Variants in SLC24A3 observed in about 807,000 individuals in gnomAD.
SLC24A3 encodes the protein solute carrier family 24 member 3.
In SLC24A3, 28 loss-of-function variants were observed where a neutral mutation model predicts 75.8. That is an observed-to-expected ratio of 0.37 (90% CI 0.27 to 0.51). SLC24A3 has a LOEUF of 0.51. Ranked by LOEUF, SLC24A3 falls within the 20% of genes least tolerant of loss-of-function variation. The probability of loss-of-function intolerance (pLI) is 0.94; values close to 1 mark genes in which losing one functional copy is unlikely to be tolerated. For synonymous variants in SLC24A3, 372 were observed against 334.1 expected, an observed-to-expected ratio of 1.11 and a Z score of -1.24; for missense variants, 663 against 847.8, an observed-to-expected ratio of 0.78 and a Z score of 2.71.
intron 3 of SLC24A3, among the ~76,000 whole-genome samples, chr20:19,562,230 G>GC (rs1250065658): frequency 6.6e-6 from 1 of 152,174 alleles, no homozygotes; most frequent in African/African-American, 2.4e-5. Context: ...TCTGCAAACT[G>GC]CAAGTGTAGG....
chr20:19,457,939 G>A (rs1367318428), intron 2 of SLC24A3, among the ~76,000 whole-genome samples: 2 of 152,148 alleles, frequency 1.3e-5, no homozygotes, highest in Non-Finnish European at 2.9e-5. Flanking sequence ...GGCCCCAGGT[G>A]AATCACAGAG....
intron 3 of SLC24A3, among the ~76,000 whole-genome samples, chr20:19,532,660 C>G (rs2030323969): frequency 6.6e-6 from 1 of 152,222 alleles, no homozygotes; most frequent in Non-Finnish European, 1.5e-5. Flanking sequence ...GTGACACGTT[C>G]AGAGCTGAAA....
intron 2 of SLC24A3, among the ~76,000 whole-genome samples, chr20:19,314,053 G>T (rs1287853026): frequency 6.6e-6 from 1 of 151,844 alleles, no homozygotes; most frequent in Non-Finnish European, 1.5e-5. Flanking sequence ...GGTCACTGTG[G>T]TCATTTATCC....
intron 6 of SLC24A3, among the ~76,000 whole-genome samples, chr20:19,590,154 CA>C (rs1274319438): frequency 5.4e-5 from 8 of 147,080 alleles, no homozygotes; most frequent in African/African-American, 2.0e-4. Flanking sequence ...AAAGTAATGG[CA>C]AAAACCGCAA....
At chr20:19,380,221 A>G (rs1477746751) in intron 2 of SLC24A3, among the ~76,000 whole-genome samples, 2 of 152,222 alleles carry the variant, frequency 1.3e-5, no homozygotes, top group African/African-American at 4.8e-5. Flanking sequence ...CAGGAAGCGT[A>G]TTGACCAGGT....
At chr20:19,390,486 G>A (rs1390341036) in intron 2 of SLC24A3, among the ~76,000 whole-genome samples, 2 of 152,134 alleles carry the variant, frequency 1.3e-5, no homozygotes, top group African/African-American at 2.4e-5. Context: ...TTGGAGGCTA[G>A]GTCCATGTGT....
intron 2 of SLC24A3, among the ~76,000 whole-genome samples, chr20:19,340,007 G>A (rs949626312): frequency 2.6e-5 from 4 of 152,150 alleles, no homozygotes; most frequent in Non-Finnish European, 4.4e-5. Context: ...GGGACTTGGG[G>A]CATGTGGGGG....
At chr20:19,422,672 G>A (rs996542663) in intron 2 of SLC24A3, among the ~76,000 whole-genome samples, 2 of 152,210 alleles carry the variant, frequency 1.3e-5, no homozygotes, top group African/African-American at 4.8e-5. Context: ...AGTCCTGGCA[G>A]GGGGAGCTTT....
intron 1 of SLC24A3, among the ~76,000 whole-genome samples, chr20:19,239,867 G>A (rs1205201650): frequency 6.6e-6 from 1 of 152,136 alleles, no homozygotes; most frequent in Non-Finnish European, 1.5e-5. Context: ...ACTAGTCCAG[G>A]GCTGGGAAGC....
At chr20:19,553,088 TCCC>T (rs2030725987) in intron 3 of SLC24A3, among the ~76,000 whole-genome samples, 2 of 48,422 alleles carry the variant, frequency 4.1e-5, no homozygotes, top group African/African-American at 1.5e-4. Context: ...CCTCCCTCCC[TCCC>T]TCCTTCCTTC....
rs571108408 is a variant in SLC24A3 at position 19,639,935 on chromosome 20, G to A, written c.613-14127G>A. Among the ~76,000 whole-genome samples, 9 of 152,380 alleles carry A rather than the reference G, an allele frequency of 5.9e-5. No homozygotes were observed. In the East Asian group the frequency reaches 1.7e-3, roughly 29 times the overall value. ...GCTGGCCGGCTGCTCCGAGTGCGGGGGCTGCCAAGACCACGCCCACCCGGA... is the reference window on the plus strand; with the variant it reads ...GCTGGCCGGCTGCTCCGAGTGCGGGAGCTGCCAAGACCACGCCCACCCGGA... On this transcript the variant is annotated intron_variant, in intron 6 of 16. Coordinates refer to ENST00000328041, the MANE Select transcript of SLC24A3 (RefSeq NM_020689.4).
Position 19,242,433 on chromosome 20 carries a change from G to A in SLC24A3, c.142+29449G>A, listed in dbSNP as rs530505336. On this transcript the variant is annotated intron_variant, in intron 1 of 16. Transcript: ENST00000328041. ...TGGGCGATAGAGGTTTGGGTTGTGG[G>A]AGGAAGCAATTCTTTACTCTTTTCC... 4 of 152,326 alleles carry A rather than the reference G, an allele frequency of 2.6e-5. 1 individual carries two copies. Among genetic ancestry groups the A allele is most frequent in the African/African-American group, 9.6e-5 (4 of 41,562 alleles). 9.4% of individuals were successfully genotyped at this position (152,326 alleles called of 1,614,324 possible).
chr20:19,373,291 C>G (rs1048747789), intron 2 of SLC24A3, among the ~76,000 whole-genome samples: 1 of 152,252 alleles, frequency 6.6e-6, no homozygotes, highest in East Asian at 1.9e-4. Context: ...CTCGGAGGCC[C>G]TTCCTTGTCC....
chr20:19,307,591 G>A (rs371865702), intron 2 of SLC24A3, among the ~76,000 whole-genome samples: 17 of 152,144 alleles, frequency 1.1e-4, no homozygotes, highest in African/African-American at 2.9e-4. Context: ...ATCACACACC[G>A]GGGCCTGTTG....
chr20:19,215,893 G>T (rs1981539385), intron 1 of SLC24A3, among the ~76,000 whole-genome samples: 2 of 152,194 alleles, frequency 1.3e-5, no homozygotes, highest in Non-Finnish European at 2.9e-5. Context: ...TTCTGCTGAG[G>T]TGTAACATGA....
intron 2 of SLC24A3, among the ~76,000 whole-genome samples, chr20:19,446,454 G>T (rs946694055): frequency 6.6e-6 from 1 of 152,200 alleles, no homozygotes; most frequent in African/African-American, 2.4e-5. Flanking sequence ...ATAGCCTCTG[G>T]CTGAAGCCTG....
chr20:19,377,478 C>T (rs191445323), intron 2 of SLC24A3, among the ~76,000 whole-genome samples: 273 of 152,232 alleles, frequency 1.8e-3, no homozygotes, highest in Non-Finnish European at 3.3e-3. Flanking sequence ...ATTTTGGTGA[C>T]GTTCTAGAAC....
intron 2 of SLC24A3, among the ~76,000 whole-genome samples, chr20:19,486,927 C>T (rs1408375414): frequency 6.6e-6 from 1 of 152,176 alleles, no homozygotes; most frequent in Non-Finnish European, 1.5e-5. Flanking sequence ...TGGTCAAGTT[C>T]TGTCTTTGCC....
chr20:19,568,954 C>G (rs1351041471), intron 3 of SLC24A3, among the ~76,000 whole-genome samples: 3 of 152,086 alleles, frequency 2.0e-5, no homozygotes, highest in Admixed American at 2.0e-4. Context: ...ATTGGCCCTT[C>G]CAGTTCCCCA....
Sources: allele counts gnomAD v4.1 joint callset (sites outside exome capture counted in the v4.1 genomes callset), GRCh38; gene constraint gnomAD v4.1.1; transcripts MANE v1.5; gene names NCBI Gene and HGNC (gene_info 2026-07-23, HGNC 2026-07-21).